Variants in RNF111 observed in about 807,000 individuals in gnomAD.
The protein encoded by RNF111 is E3 ubiquitin-protein ligase Arkadia.
A neutral mutation model predicts 95.1 loss-of-function variants in RNF111; 17 were observed. That is an observed-to-expected ratio of 0.18 (90% CI 0.12 to 0.27). The LOEUF (loss-of-function observed/expected upper bound fraction) is 0.27, where lower values mean the gene tolerates loss of function less well. RNF111 is among the 10% of genes least tolerant of loss of function. The pLI, the probability that RNF111 is intolerant of heterozygous loss-of-function variation, is 1.00. For missense variants in RNF111, 1,189 were observed against 1,210.4 expected (o/e 0.98, Z 0.26); for synonymous variants, 440 against 414.8 (o/e 1.06, Z -0.74).
Position 59,052,311 on chromosome 15 carries a change from T to G in RNF111, c.887T>G (p.Ile296Ser). The G allele has an allele frequency of 5.1e-6, 8 of 1,576,428 alleles. No homozygotes were observed. The highest frequency in any genetic ancestry group is 6.9e-6 in the Non-Finnish European group (8 of 1,164,958). ...QNNPAVPSGS[I>S]DEDVVVIEAS... The stretch of plus-strand genomic sequence containing the variant: ...TTTTTCTTTTTGTTTCCAGGAAGTA[T>G]TGATGAAGATGTTGTGGTGATAGAA... Residue 296 changes from isoleucine (I) to serine (S), a missense_variant, in exon 3 of 14, where the codon ATT becomes AGT. By Grantham distance (142) the Ile-to-Ser change is moderately radical. Coordinates refer to ENST00000348370, the MANE Select transcript of RNF111 (RefSeq NM_017610.8).
intron 7 of RNF111, among the ~76,000 whole-genome samples, chr15:59,076,809 T>C (rs2078578245): frequency 6.6e-6 from 1 of 152,234 alleles, no homozygotes; most frequent in Non-Finnish European, 1.5e-5. Flanking sequence ...TTTTGTTAGA[T>C]CATAAGCTAA....
At position 59,047,130 on chromosome 15, in the gene RNF111, C is replaced by G. The variant is rs79463862; in HGVS notation, c.881-5175C>G. Reference sequence around the variant, plus strand: ...GAGCCATCATGCCTGGCCAGGAATTCTTATAATTCAACAATGAGACCAAAA... The same window carrying G: ...GAGCCATCATGCCTGGCCAGGAATTGTTATAATTCAACAATGAGACCAAAA... On this transcript the variant is annotated intron_variant, in intron 2 of 13. Transcript: ENST00000348370. Among the ~76,000 whole-genome samples the G allele has an allele frequency of 8.7e-3, 1,328 of 152,082 alleles. 17 individuals carry two copies. Among genetic ancestry groups the G allele is most frequent in the African/African-American group, 0.031 (1,271 of 41,474 alleles).
At chr15:59,060,955 A>C (rs1335087348) in intron 5 of RNF111, among the ~76,000 whole-genome samples, 1 of 151,824 alleles carries the variant, frequency 6.6e-6, no homozygotes, top group Non-Finnish European at 1.5e-5. Context: ...ACGTCCGGCT[A>C]ATTTTTGTAT....
chr15:59,007,915 C>T (rs138912549), intron 1 of RNF111, among the ~76,000 whole-genome samples: 11 of 152,272 alleles, frequency 7.2e-5, no homozygotes, highest in Non-Finnish European at 1.5e-5. Context: ...CACACAAACA[C>T]ATGTATATAT....
intron 2 of RNF111, among the ~76,000 whole-genome samples, chr15:59,043,905 T>A (rs1435512134): frequency 6.6e-6 from 1 of 152,240 alleles, no homozygotes; most frequent in Non-Finnish European, 1.5e-5. Context: ...TAGCTTTGAA[T>A]TTTAAGTGTT....
intron 11 of RNF111, among the ~76,000 whole-genome samples, chr15:59,090,798 C>T (rs1213472532): frequency 6.6e-6 from 1 of 152,142 alleles, no homozygotes; most frequent in Non-Finnish European, 1.5e-5. Flanking sequence ...TGGCTCACAC[C>T]TGTAATCTCA....
chr15:59,047,011 C>T (rs969228057), intron 2 of RNF111, among the ~76,000 whole-genome samples: 2 of 151,622 alleles, frequency 1.3e-5, no homozygotes, highest in African/African-American at 4.8e-5. Context: ...TTTGTTGAGA[C>T]GAGGTTTTGC....
intron 2 of RNF111, among the ~76,000 whole-genome samples, chr15:59,041,959 ATATT>A (rs2041475482): frequency 9.2e-6 from 1 of 108,460 alleles, no homozygotes. Flanking sequence ...CAGTCTGTTC[ATATT>A]TTTTTTTTTT....
Position 59,030,850 on chromosome 15 carries a change from G to T in RNF111, c.28G>T (p.Glu10Ter), listed in dbSNP as rs745819875. The T allele has an allele frequency of 1.2e-6, 2 of 1,606,322 alleles. No individual in the cohort carries two copies. Among genetic ancestry groups the T allele is most frequent in the Admixed American group, 1.7e-5 (1 of 59,238 alleles). The change falls in exon 2 of 14, where the codon GAG becomes TAG. Residue 10 changes from glutamate to a stop codon, truncating the protein, a stop_gained. Coordinates refer to ENST00000348370, the MANE Select transcript of RNF111 (RefSeq NM_017610.8). LOFTEE classifies it high-confidence loss of function. ...GTCTCAATGGACTCCTGAATATAAC[G>T]AGCTCTACACCTTAAAAGTGGATAT... MSQWTPEYN[E>*]LYTLKVDMKS...
intron 2 of RNF111, among the ~76,000 whole-genome samples, chr15:59,038,824 G>A (rs1364766384): frequency 5.9e-5 from 9 of 152,208 alleles, no homozygotes; most frequent in East Asian, 1.9e-4. Context: ...TTTCTGTTGC[G>A]TCACAAATTG....
At chr15:59,012,897 C>A (rs2039894228) in intron 1 of RNF111, among the ~76,000 whole-genome samples, 1 of 152,122 alleles carries the variant, frequency 6.6e-6, no homozygotes, top group Admixed American at 6.5e-5. Context: ...TGACACCACA[C>A]CTGGCTAATT....
intron 5 of RNF111, among the ~76,000 whole-genome samples, chr15:59,059,443 CTT>C (rs1399719481): frequency 6.6e-6 from 1 of 152,198 alleles, no homozygotes; most frequent in Non-Finnish European, 1.5e-5. Context: ...GAGAAAAACA[CTT>C]TGATGGTTCC....
At chr15:59,059,085 C>G (rs2042323459) in intron 5 of RNF111, among the ~76,000 whole-genome samples, 1 of 151,978 alleles carries the variant, frequency 6.6e-6, no homozygotes, top group African/African-American at 2.4e-5. Flanking sequence ...CAAGACCAGC[C>G]TGGGCAACAT....
intron 6 of RNF111, among the ~76,000 whole-genome samples, chr15:59,068,271 T>C (rs1174031608): frequency 6.6e-6 from 1 of 151,944 alleles, no homozygotes; most frequent in Non-Finnish European, 1.5e-5. Flanking sequence ...AGAGAAAAAT[T>C]GTAATTTTGA....
chr15:59,060,529 A>G (rs752246028), intron 5 of RNF111, among the ~76,000 whole-genome samples: 62 of 152,186 alleles, frequency 4.1e-4, no homozygotes, highest in South Asian at 4.1e-4. Flanking sequence ...CCAGCTACTC[A>G]GAGACTGAGT....
chr15:59,064,703 C>T (rs1163101676), intron 5 of RNF111, among the ~76,000 whole-genome samples: 3 of 151,898 alleles, frequency 2.0e-5, no homozygotes, highest in Non-Finnish European at 4.4e-5. Context: ...AGAACCTTTA[C>T]AAAAGGGTTT....
At chr15:58,999,095 G>T (rs1877030033) in intron 1 of RNF111, among the ~76,000 whole-genome samples, 1 of 152,130 alleles carries the variant, frequency 6.6e-6, no homozygotes, top group South Asian at 2.1e-4. Flanking sequence ...ACCTGAAAAG[G>T]TTATTAAATA....
At chr15:59,075,907 A>G (rs1362600444) in intron 6 of RNF111, 47 bp from the exon 7 acceptor site, 2 of 1,589,366 alleles carry the variant, frequency 1.3e-6, no homozygotes, top group Non-Finnish European at 1.7e-6. Flanking sequence ...AACATGAAAT[A>G]TTTGACCAAA....
intron 1 of RNF111, among the ~76,000 whole-genome samples, chr15:58,996,976 A>G (rs1247251622): frequency 6.6e-6 from 1 of 152,162 alleles, no homozygotes; most frequent in African/African-American, 2.4e-5. Flanking sequence ...ATACCTTTAT[A>G]TTTATAAGTA....
Sources: gnomAD v4.1 joint callset for allele counts (sites outside exome capture counted in the v4.1 genomes callset) on GRCh38, gnomAD v4.1.1 for gene constraint, MANE v1.5 for transcripts, NCBI Gene and HGNC (gene_info 2026-07-23, HGNC 2026-07-21) for gene names.